SMURF1: variants seen among roughly 807,000 people sequenced by gnomAD.
SMURF1 encodes E3 ubiquitin-protein ligase SMURF1.
In SMURF1, 44 loss-of-function variants were observed where a neutral mutation model predicts 98.0. The ratio of observed to expected loss-of-function variants is 0.45; its 90% CI spans 0.35 to 0.58. The LOEUF is 0.58. Ranked by LOEUF, SMURF1 falls within the 20% of genes least tolerant of loss-of-function variation. SMURF1 has a pLI of 0.00. For synonymous variants in SMURF1, 396 were observed against 374.9 expected (o/e 1.06, Z -0.65); for missense variants, 687 against 938.4 (o/e 0.73, Z 3.50).
At chr7:99,109,917 C>A (rs548151993) in intron 1 of SMURF1, among the ~76,000 whole-genome samples, 2 of 152,278 alleles carry the variant, frequency 1.3e-5, no homozygotes, top group South Asian at 4.1e-4. Context: ...CAAGAGCAAA[C>A]AAGGACATCC....
At chr7:99,060,495 T>C in intron 3 of SMURF1, 104 bp downstream of exon 3, 1 of 691,994 alleles carries the variant, frequency 1.4e-6, no homozygotes, top group Non-Finnish European at 2.3e-6. Flanking sequence ...TTGTTATCAA[T>C]AAAAAGTCAT....
intron 1 of SMURF1, among the ~76,000 whole-genome samples, chr7:99,098,405 T>C (rs374074203): frequency 6.6e-6 from 1 of 152,130 alleles, no homozygotes; most frequent in South Asian, 2.1e-4. Context: ...ATGACTCTAA[T>C]CAAAGAGAGA....
intron 5 of SMURF1, among the ~76,000 whole-genome samples, chr7:99,055,793 C>T (rs959684220): frequency 6.6e-6 from 1 of 152,120 alleles, no homozygotes; most frequent in African/African-American, 2.4e-5. Context: ...GGCAAAACCC[C>T]GTCTCCACTA....
At chr7:99,139,475 A>AT (rs1798064587) in intron 1 of SMURF1, among the ~76,000 whole-genome samples, 1 of 152,234 alleles carries the variant, frequency 6.6e-6, no homozygotes, top group Non-Finnish European at 1.5e-5. Flanking sequence ...ATTGGTTGAC[A>AT]TTACAATAAA....
intron 1 of SMURF1, among the ~76,000 whole-genome samples, chr7:99,062,322 T>C (rs930856975): frequency 3.9e-5 from 6 of 152,310 alleles, no homozygotes; most frequent in East Asian, 1.9e-4. Context: ...TATTCTCTTA[T>C]ACTGCATATG....
At chr7:99,071,880 C>T (rs1304486499) in intron 1 of SMURF1, among the ~76,000 whole-genome samples, 1 of 151,748 alleles carries the variant, frequency 6.6e-6, no homozygotes, top group Non-Finnish European at 1.5e-5. Flanking sequence ...TGGAGACCAC[C>T]CCTGAGCAAC....
At chr7:99,085,287 A>C (rs1379338055) in intron 1 of SMURF1, among the ~76,000 whole-genome samples, 1 of 147,854 alleles carries the variant, frequency 6.8e-6, no homozygotes, top group African/African-American at 2.5e-5. Flanking sequence ...CAGGAGGTGG[A>C]GAGTGCAGTG....
In SMURF1 at chr7:99,060,898, GA is replaced by G. The variant is rs79545396; in HGVS notation, c.95-192del. 5.8e-4 allele frequency among the ~76,000 whole-genome samples: 83 copies of G among 142,470 alleles called. 1 individual carries two copies. The highest frequency in any genetic ancestry group is 3.5e-3 in the Middle Eastern group (1 of 286). The allele number at this position is 142,470 out of a possible 152,430, so 93.5% of individuals were successfully genotyped here. ...TTAGAGGGTAGAAAAGAAAGTGACT[GA>G]AAAAAAAAAAGGCTTACATTCAAAT... is the stretch of plus-strand genomic sequence containing the variant. On this transcript the variant is annotated intron_variant, in intron 2 of 17. Transcript: ENST00000361368.
At chr7:99,042,034 G>C (rs1795405924) in intron 12 of SMURF1, 84 bp downstream of exon 12, 19 of 1,106,530 alleles carry the variant, frequency 1.7e-5, no homozygotes, top group Non-Finnish European at 2.0e-5. Context: ...ACAACAAATA[G>C]ACCAAGGACT....
chr7:99,063,242 TATATA>T (rs1796086014), intron 1 of SMURF1, among the ~76,000 whole-genome samples: 2 of 13,690 alleles, frequency 1.5e-4, no homozygotes, highest in Non-Finnish European at 2.6e-4. Context: ...AAGATTTATT[TATATA>T]TATATATATA....
At chr7:99,127,763 G>A (rs923622050) in intron 1 of SMURF1, among the ~76,000 whole-genome samples, 22 of 152,158 alleles carry the variant, frequency 1.4e-4, no homozygotes, top group African/African-American at 5.1e-4. Flanking sequence ...TCTAGTATGA[G>A]AAACACCAAA....
intron 1 of SMURF1, among the ~76,000 whole-genome samples, chr7:99,124,461 A>C (rs1205710373): frequency 6.6e-6 from 1 of 152,228 alleles, no homozygotes; most frequent in Non-Finnish European, 1.5e-5. Flanking sequence ...AGCTTTGGGC[A>C]TGAAGGCTGC....
In SMURF1 at chr7:99,029,824, T is replaced by TG. The variant is rs925172570; in HGVS notation, c.*759dup. 3.9e-5 allele frequency: 6 copies of TG among 152,010 alleles called. No individual in the cohort carries two copies. Among genetic ancestry groups the TG allele is most frequent in the African/African-American group, 1.2e-4 (5 of 41,380 alleles). The allele number at this position is 152,010 out of a possible 1,614,324, so 9.4% of individuals were successfully genotyped here. ...ACACTCCATGACATGGTGTTTTCAC[T>TG]GAAAAAAAAGTCAAACTGGACAGAT... On this transcript the variant is annotated 3_prime_UTR_variant, in exon 18 of 18. Coordinates refer to ENST00000361368, the MANE Select transcript of SMURF1 (RefSeq NM_181349.3).
At chr7:99,077,994 T>TAA (rs995144649) in intron 1 of SMURF1, among the ~76,000 whole-genome samples, 1 of 149,782 alleles carries the variant, frequency 6.7e-6, no homozygotes, top group Admixed American at 6.7e-5. Context: ...TGTCTTTATT[T>TAA]AAAAAAAAAA....
chr7:99,095,010 C>T (rs896350564), intron 1 of SMURF1, among the ~76,000 whole-genome samples: 2 of 152,150 alleles, frequency 1.3e-5, no homozygotes, highest in African/African-American at 4.8e-5. Context: ...GTCTCAACAT[C>T]CACCGCCCAT....
chr7:99,058,115 TTTTA>T (rs1795930313), intron 3 of SMURF1, among the ~76,000 whole-genome samples: 1 of 151,990 alleles, frequency 6.6e-6, no homozygotes, highest in Admixed American at 6.6e-5. Context: ...ACTTACTATA[TTTTA>T]TTTATTTTTA....
intron 1 of SMURF1, among the ~76,000 whole-genome samples, chr7:99,072,228 T>C (rs1040770875): frequency 6.6e-6 from 1 of 152,248 alleles, no homozygotes; most frequent in Non-Finnish European, 1.5e-5. Context: ...TTTGCTATGT[T>C]GCCCAGGCTG....
chr7:99,143,085 AGAGAAGCGAGGGAGCTGGACGCAGG>A (rs1391156085), intron 1 of SMURF1, among the ~76,000 whole-genome samples: 15 of 144,696 alleles, frequency 1.0e-4, no homozygotes, highest in Admixed American at 4.2e-4. Flanking sequence ...GCGGGACCAG[AGAGAAGCGAGGGAGCTGGACGCAGG>A]GAGAAGCGAG....
intron 1 of SMURF1, among the ~76,000 whole-genome samples, chr7:99,068,187 C>G (rs777779773): frequency 6.6e-6 from 1 of 152,208 alleles, no homozygotes; most frequent in Non-Finnish European, 1.5e-5. Context: ...TTTGTCTGTT[C>G]TGTATTTTTA....
Sources: gnomAD v4.1 joint callset for allele counts (sites outside exome capture counted in the v4.1 genomes callset) on GRCh38, gnomAD v4.1.1 for gene constraint, MANE v1.5 for transcripts, NCBI Gene and HGNC (gene_info 2026-07-23, HGNC 2026-07-21) for gene names.